Variants in PCDHGA9 observed in about 807,000 individuals in gnomAD.
The protein encoded by PCDHGA9 is protocadherin gamma subfamily A, 9.
PCDHGA9 carries 37 observed loss-of-function variants against 62.5 expected under a neutral mutation model. The ratio of observed to expected loss-of-function variants is 0.59; its 90% CI spans 0.46 to 0.78. The LOEUF is 0.78. Ranked by LOEUF, PCDHGA9 falls within the 30% of genes least tolerant of loss-of-function variation. PCDHGA9 has a pLI of 0.00. For synonymous variants in PCDHGA9, 459 were observed against 484.6 expected, an observed-to-expected ratio of 0.95 and a Z score of 0.69; for missense variants, 1,138 against 1,166.2, an observed-to-expected ratio of 0.98 and a Z score of 0.35.
At chr5:141,503,178 T>C (rs988629461) in intron 2 of PCDHGA9, among the ~76,000 whole-genome samples, 56 of 151,998 alleles carry the variant, frequency 3.7e-4, no homozygotes, top group African/African-American at 1.3e-3. Flanking sequence ...TACTCTATTG[T>C]GTAATTATTT....
rs764692908 is a variant in PCDHGA9 at position 141,431,246 on chromosome 5, G to C, written c.2424+25870G>C. On this transcript the variant is annotated intron_variant, in intron 1 of 3. Coordinates refer to ENST00000573521, the MANE Select transcript of PCDHGA9 (RefSeq NM_018921.3). The surrounding 1 kb of genome is among the most constrained non-coding windows in gnomAD (Gnocchi z 4.8). ...ACCCCACGCCTGGGATCCGGATATC[G>C]GGAAGAACTCTCTGCAGAGCTACGA... 9 of 1,613,982 alleles carry C rather than the reference G, an allele frequency of 5.6e-6. No individual in the cohort carries two copies. Among genetic ancestry groups the C allele is most frequent in the Non-Finnish European group, 7.6e-6 (9 of 1,180,050 alleles).
At chr5:141,427,294 AT>A (rs2097012877) in intron 1 of PCDHGA9, 1 of 456,758 alleles carries the variant, frequency 2.2e-6, no homozygotes, top group Non-Finnish European at 4.4e-6. Flanking sequence ...GAAATCCTAG[AT>A]GAGAATGACA....
chr5:141,497,960 C>T (rs946836523), intron 2 of PCDHGA9, among the ~76,000 whole-genome samples: 24 of 152,202 alleles, frequency 1.6e-4, no homozygotes, highest in African/African-American at 5.8e-4. Flanking sequence ...GTTGGCCAGG[C>T]AGTGTTCTCG....
At chr5:141,446,860 G>A (rs969206755) in intron 1 of PCDHGA9, among the ~76,000 whole-genome samples, 17 of 152,162 alleles carry the variant, frequency 1.1e-4, no homozygotes, top group African/African-American at 3.9e-4. Flanking sequence ...CTTCCTGATA[G>A]CTCTACACTG....
intron 2 of PCDHGA9, among the ~76,000 whole-genome samples, chr5:141,496,391 A>G (rs1473991011): frequency 1.3e-5 from 2 of 151,930 alleles, no homozygotes; most frequent in Admixed American, 6.6e-5. Flanking sequence ...ACCTTACCCT[A>G]CCTCCTCAAT....
intron 1 of PCDHGA9, among the ~76,000 whole-genome samples, chr5:141,482,857 A>T (rs2099573663): frequency 6.6e-6 from 1 of 152,140 alleles, no homozygotes; most frequent in Admixed American, 6.5e-5. Flanking sequence ...AGATCACTTG[A>T]GGTCAGGAGT....
chr5:141,459,260 T>G (rs551625614), intron 1 of PCDHGA9, among the ~76,000 whole-genome samples: 1 of 152,344 alleles, frequency 6.6e-6, no homozygotes, highest in South Asian at 2.1e-4. Flanking sequence ...TAAATTAGTG[T>G]TGCCTCTTTC....
chr5:141,402,993 T>C lies in PCDHGA9; in HGVS notation c.41T>C (p.Val14Ala), dbSNP rs762604393. ...PTKCQLRGRLVLLCSLLGMLW... is the reference protein window; with the variant it reads ...PTKCQLRGRLALLCSLLGMLW... ...AAATGCCAGCTCCGCGGAAGATTAG[T>C]CCTGCTATGCTCGCTCCTGGGGATG... Residue 14 changes from valine (V) to alanine (A), a missense_variant, in exon 1 of 4, where the codon GTC (valine) becomes GCC (alanine). Transcript: ENST00000573521. 3 of 1,613,752 alleles carry C rather than the reference T, an allele frequency of 1.9e-6. No homozygotes were observed. The highest frequency in any genetic ancestry group is 2.5e-6 in the Non-Finnish European group (3 of 1,179,812).
intron 1 of PCDHGA9, among the ~76,000 whole-genome samples, chr5:141,471,120 C>T (rs560582806): frequency 6.7e-6 from 1 of 149,470 alleles, no homozygotes; most frequent in South Asian, 2.1e-4. Context: ...GCGATCTTAC[C>T]TTCACTGCAA....
At chr5:141,413,841 T>C (rs1481867404) in intron 1 of PCDHGA9, 1 of 1,613,060 alleles carries the variant, frequency 6.2e-7, no homozygotes, top group Admixed American at 1.7e-5. Context: ...CCGACGGGGG[T>C]GACCCTCTCC....
At chr5:141,415,895 G>A in intron 1 of PCDHGA9, 1 of 898,210 alleles carries the variant, frequency 1.1e-6, no homozygotes, top group Non-Finnish European at 1.5e-6. Flanking sequence ...CAATTCCTAA[G>A]ACAGACTTCC....
At chr5:141,502,019 G>A (rs1454981730) in intron 2 of PCDHGA9, among the ~76,000 whole-genome samples, 1 of 152,008 alleles carries the variant, frequency 6.6e-6, no homozygotes, top group African/African-American at 2.4e-5. Flanking sequence ...TCTCCTCCCT[G>A]CAACCCCCGC....
intron 1 of PCDHGA9, among the ~76,000 whole-genome samples, chr5:141,466,540 G>T (rs1302720337): frequency 6.6e-6 from 1 of 152,094 alleles, no homozygotes; most frequent in Non-Finnish European, 1.5e-5. Context: ...GATGTAGATG[G>T]TCTTTTGCTG....
chr5:141,441,665 A>C (rs994092543), intron 1 of PCDHGA9: 10 of 265,838 alleles, frequency 3.8e-5, no homozygotes, highest in African/African-American at 2.1e-4. Context: ...CCTTGAGCGC[A>C]CAGTGCGCCT....
At chr5:141,408,917 C>G in intron 1 of PCDHGA9, 1 of 1,613,366 alleles carries the variant, frequency 6.2e-7, no homozygotes, top group South Asian at 1.1e-5. Flanking sequence ...CAATGATAAC[C>G]CCCCGGTTTT....
At chr5:141,412,216 T>C (rs1247540521) in intron 1 of PCDHGA9, 1 of 152,244 alleles carries the variant, frequency 6.6e-6, no homozygotes, top group East Asian at 1.9e-4. Context: ...ACATAAACAC[T>C]TACTTGTTAA....
chr5:141,408,667 C>T, intron 1 of PCDHGA9: 1 of 1,613,954 alleles, frequency 6.2e-7, no homozygotes, highest in Non-Finnish European at 8.5e-7. Flanking sequence ...TATCGCTTGA[C>T]CCTGCCACGG....
chr5:141,431,830 C>G lies in PCDHGA9; in HGVS notation c.2424+26454C>G, dbSNP rs1354008481. 1 of 1,614,078 alleles carries G rather than the reference C, an allele frequency of 6.2e-7. No homozygotes were observed. The highest frequency in any genetic ancestry group is 8.5e-7 in the Non-Finnish European group (1 of 1,180,034). The stretch of plus-strand genomic sequence containing the variant: ...TCACCTCTCTCGCCAGCTCGGTTCC[C>G]GAAAACTCTCCCAGAGGGACATTAA... On this transcript the variant is annotated intron_variant, in intron 1 of 3. Coordinates refer to ENST00000573521, the MANE Select transcript of PCDHGA9 (RefSeq NM_018921.3). This position sits in a 1 kb window ranked among gnomAD's most constrained non-coding sequence, Gnocchi z 4.8.
chr5:141,432,031 C>T lies in PCDHGA9; in HGVS notation c.2424+26655C>T. The T allele has an allele frequency of 6.2e-7, 1 of 1,614,220 alleles. No individual in the cohort carries two copies. Among genetic ancestry groups the T allele is most frequent in the Non-Finnish European group, 8.5e-7 (1 of 1,180,048 alleles). ...CTAGCTACAACATCACAGTGACCGC[C>T]ACTGACCGGGGAACCCCGCCCCTAT... On this transcript the variant is annotated intron_variant, in intron 1 of 3. Coordinates refer to ENST00000573521, the MANE Select transcript of PCDHGA9 (RefSeq NM_018921.3). This position sits in a 1 kb window ranked among gnomAD's most constrained non-coding sequence, Gnocchi z 6.0.
Sources: gnomAD v4.1 joint callset for allele counts (sites outside exome capture counted in the v4.1 genomes callset) on GRCh38, gnomAD v4.1.1 for gene constraint, Gnocchi (gnomAD v3.1) non-coding constraint, MANE v1.5 for transcripts, NCBI Gene and HGNC (gene_info 2026-07-23, HGNC 2026-07-21) for gene names.